ATP6AP1: variants seen among roughly 807,000 people sequenced by gnomAD.
ATP6AP1 encodes the protein ATPase H+ transporting accessory protein 1.
A neutral mutation model predicts 32.0 loss-of-function variants in ATP6AP1; 1 was observed. That is an observed-to-expected ratio of 0.03 (90% CI 0.01 to 0.15). The LOEUF (loss-of-function observed/expected upper bound fraction) is 0.15. ATP6AP1 is among the 10% of genes least tolerant of loss of function. The pLI, the probability that ATP6AP1 is intolerant of heterozygous loss-of-function variation, is 1.00. For missense variants in ATP6AP1, 297 were observed against 398.8 expected (o/e 0.74, Z 2.17); for synonymous variants, 187 against 174.9 (o/e 1.07, Z -0.55).
chrX:154,432,686 T>C (rs1260532523), intron 4 of ATP6AP1, among the ~76,000 whole-genome samples: 1 of 112,199 alleles, frequency 8.9e-6, no homozygotes, highest in African/African-American at 3.2e-5. Context: ...GAGGCAGATG[T>C]GAGCCCTGCG....
chrX:154,431,717 C>T (rs2068694404), intron 2 of ATP6AP1, 113 bp from the exon 3 acceptor site: 1 of 697,222 alleles, frequency 1.4e-6, no homozygotes, highest in Non-Finnish European at 2.3e-6. Flanking sequence ...CTGAACCTGA[C>T]TCTCAGTGAG....
Position 154,434,351 on chromosome X carries a change from G to A in ATP6AP1, c.828G>A (p.Val276=). ...RILFWAQNFS[V]AYKDQWEDLT... ...TGTTCTGGGCCCAAAACTTCTCTGT[G>A]GCGTACAAGGACCAGTGGGAGGACC... The change falls in exon 7 of 10, where the codon GTG becomes GTA. Residue 276 remains valine, a synonymous_variant. Transcript: ENST00000369762. 8.3e-7 allele frequency: 1 copy of A among 1,211,963 alleles called. No individual in the cohort carries two copies. The highest frequency in any genetic ancestry group is 1.1e-6 in the Non-Finnish European group (1 of 895,537).
Position 154,428,706 on chromosome X carries a change from T to C in ATP6AP1, c.14T>C (p.Met5Thr), listed in dbSNP as rs1557196211. The C allele has an allele frequency of 5.2e-6, 6 of 1,149,320 alleles. No individual in the cohort carries two copies. Among genetic ancestry groups the C allele is most frequent in the African/African-American group, 3.7e-5 (2 of 54,040 alleles). 94.7% of individuals were successfully genotyped at this position (1,149,320 alleles called of 1,213,427 possible). MMAA[M>T]ATARVRMGPR... ...GAGGCTGAGGCTATGATGGCGGCCATGGCGACGGCTCGAGTGCGGATGGGG... is the reference window on the plus strand; with the variant it reads ...GAGGCTGAGGCTATGATGGCGGCCACGGCGACGGCTCGAGTGCGGATGGGG... Residue 5 changes from methionine to threonine, a missense_variant, in exon 1 of 10, where the codon ATG becomes ACG. Met to Thr is a moderately conservative substitution (Grantham distance 81). Coordinates refer to ENST00000369762, the MANE Select transcript of ATP6AP1 (RefSeq NM_001183.6).
chrX:154,431,432 G>A (rs1389221324), intron 2 of ATP6AP1: 4 of 172,852 alleles, frequency 2.3e-5, no homozygotes, highest in South Asian at 1.2e-4. Flanking sequence ...GGACATAGCC[G>A]ACTCTCCTTT....
At position 154,435,332 on chromosome X, in the gene ATP6AP1, C is replaced by T. The variant is rs782690014; in HGVS notation, c.1030C>T (p.Arg344Cys). The T allele has an allele frequency of 1.8e-5, 22 of 1,211,857 alleles. No homozygotes were observed. Among genetic ancestry groups the T allele is most frequent in the Admixed American group, 1.1e-4 (5 of 46,068 alleles). ...TGCCCGGCACTGGTTTACCATGGAG[C>T]GCCTCGAAGTCCACAGCAATGGCTC... is the stretch of plus-strand genomic sequence containing the variant. ...VSARHWFTME[R>C]LEVHSNGSVA... The change falls in exon 9 of 10, where the codon CGC becomes TGC. Residue 344 changes from arginine (R) to cysteine (C), a missense_variant. Arg to Cys is a radical substitution (Grantham distance 180, BLOSUM62 -3). Around this residue, in one of 2 missense-constraint regions of ATP6AP1, gnomAD observed 155 missense variants for 253.8 expected, o/e 0.61. Transcript: ENST00000369762.
intron 5 of ATP6AP1, 131 bp from the exon 6 acceptor site, chrX:154,433,504 A>G: frequency 3.0e-6 from 2 of 663,657 alleles, no homozygotes; most frequent in Non-Finnish European, 4.8e-6. Context: ...GCTGCTCCTA[A>G]GGATCCTCAG....
chrX:154,433,434 G>A (rs1295280917), intron 5 of ATP6AP1, among the ~76,000 whole-genome samples: 2 of 111,696 alleles, frequency 1.8e-5, no homozygotes, highest in Non-Finnish European at 3.8e-5. Flanking sequence ...TTAGGGAATC[G>A]ATGACTGAAG....
rs1557197076 is a variant in ATP6AP1, at chrX:154,432,925, C to T, written c.558-6C>T. On this transcript the variant is annotated splice_polypyrimidine_tract_variant and splice_region_variant and intron_variant, in intron 4 of 9. Coordinates refer to ENST00000369762, the MANE Select transcript of ATP6AP1 (RefSeq NM_001183.6). ...AGGACTCTGGCGCTCTGTTTGTCTT[C>T]CATAGCTCTGGTCTGATGGCACCCA... The T allele has an allele frequency of 2.5e-6, 3 of 1,211,710 alleles. No homozygotes were observed. Among genetic ancestry groups the T allele is most frequent in the Non-Finnish European group, 3.4e-6 (3 of 895,401 alleles).
chrX:154,433,030 G>C (rs1341554646), intron 5 of ATP6AP1, 59 bp downstream of exon 5: 7 of 1,173,376 alleles, frequency 6.0e-6, no homozygotes, highest in Non-Finnish European at 8.1e-6. Context: ...GGGCCACAGA[G>C]AGAGCTGGCC....
intron 7 of ATP6AP1, 129 bp downstream of exon 7, chrX:154,434,575 G>A (rs1179566531): frequency 4.6e-6 from 3 of 650,206 alleles, no homozygotes; most frequent in East Asian, 6.8e-5. Context: ...GTCTGGTTGG[G>A]GTCTGGGCAG....
chrX:154,431,746 A>G, intron 2 of ATP6AP1, 84 bp from the exon 3 acceptor site: 1 of 947,359 alleles, frequency 1.1e-6, no homozygotes, highest in Non-Finnish European at 1.5e-6. Flanking sequence ...GGCCCTGAGA[A>G]TGCACGGGGA....
chrX:154,429,093 C>A lies in ATP6AP1; in HGVS notation c.207C>A (p.Thr69=), dbSNP rs782021501. ...PAADTHEGHI[T]SDLQLSTYLD... is the part of the protein sequence containing the mutation. ...CCGACACTCATGAAGGCCACATCACCAGCGACTTGCAGCTCTCTACCTACT... is the reference window on the plus strand; with the variant it reads ...CCGACACTCATGAAGGCCACATCACAAGCGACTTGCAGCTCTCTACCTACT... Residue 69 remains threonine (T), a synonymous_variant, in exon 2 of 10, where the codon ACC becomes ACA. Coordinates refer to ENST00000369762, the MANE Select transcript of ATP6AP1 (RefSeq NM_001183.6). 8.3e-6 allele frequency: 10 copies of A among 1,211,753 alleles called. No individual in the cohort carries two copies. Among genetic ancestry groups the A allele is most frequent in the Non-Finnish European group, 1.1e-5 (10 of 895,424 alleles).
intron 5 of ATP6AP1, 62 bp downstream of exon 5, chrX:154,433,033 A>C: frequency 8.6e-7 from 1 of 1,165,079 alleles, no homozygotes; most frequent in Non-Finnish European, 1.2e-6. Flanking sequence ...CCACAGAGAG[A>C]GCTGGCCTGC....
intron 2 of ATP6AP1, chrX:154,430,849 C>T (rs1048615259): frequency 1.8e-5 from 2 of 110,920 alleles, no homozygotes; most frequent in Non-Finnish European, 3.8e-5. Context: ...TGCTCTTGGC[C>T]AGCTCAAGGA....
rs2068697107 is a variant in ATP6AP1 at position 154,432,203 on chromosome X, G to A, written c.364-63G>A. 5.7e-6 allele frequency: 6 copies of A among 1,052,407 alleles called. No homozygotes were observed. The East Asian group carries it at 1.2e-4, about 22-fold the overall frequency. The allele number at this position is 1,052,407 out of a possible 1,213,427, so 86.7% of individuals were successfully genotyped here. A position where few individuals can be genotyped will look rare whatever the true frequency, so the allele number is the denominator to read the frequency against. ...AGAGGAGAGCTGCCAGAGAGGTGTG[G>A]GGGGCTGGGCCAGGCCCACTGGCCC... On this transcript the variant is annotated intron_variant, in intron 3 of 9. Transcript: ENST00000369762.
chrX:154,433,695 C>T lies in ATP6AP1; in HGVS notation c.659C>T (p.Ala220Val). ...LKSEDVPYTA[A>V]LTAVRPSRVA... ...TCCGAAGATGTCCCATACACAGCGG[C>T]CCTCACAGCGGTCCGCCCTTCCAGG... is the stretch of plus-strand genomic sequence containing the variant. The change falls in exon 6 of 10, where the codon GCC (alanine) becomes GTC (valine). Residue 220 changes from alanine (A) to valine (V), a missense_variant. Physicochemically the swap from Ala to Val is moderately conservative, Grantham distance 64. Transcript: ENST00000369762. 5.8e-6 allele frequency: 7 copies of T among 1,211,631 alleles called. No homozygotes were observed. Among genetic ancestry groups the T allele is most frequent in the Non-Finnish European group, 7.8e-6 (7 of 895,272 alleles).
rs200279182 is a variant in ATP6AP1, at chrX:154,429,202, C to G, written c.288+28C>G. 8.6e-4 allele frequency: 1,038 copies of G among 1,205,516 alleles called. 2 individuals are homozygous for G. Among genetic ancestry groups the G allele is most frequent in the Non-Finnish European group, 4.0e-4 (355 of 892,469 alleles). On this transcript the variant is annotated intron_variant, in intron 2 of 9. Transcript: ENST00000369762. ...GCGCCCGCCCCAGCCCACTCTCCCC[C>G]GGTCATCGGGAGGCAGCCAGGCCCC...
chrX:154,432,793 G>A (rs1392494704), intron 4 of ATP6AP1, 138 bp from the exon 5 acceptor site: 38 of 758,731 alleles, frequency 5.0e-5, no homozygotes, highest in Admixed American at 1.9e-4. Context: ...TGGGCTTCCA[G>A]GAGGGGGCAC....
In ATP6AP1 at chrX:154,428,794, G is replaced by T. The variant is rs1191344600; in HGVS notation, c.102G>T (p.Ala34=). ...PWLPVFLSLA[A]AAAAAAAEQQ... is the part of the protein sequence containing the mutation. ...TGCCGGTGTTTTTGTCGTTGGCGGC[G>T]GCGGCGGCGGCGGCAGCGGCGGAGC... The change falls in exon 1 of 10, where the codon GCG becomes GCT. Residue 34 remains alanine (A), a synonymous_variant. Transcript: ENST00000369762. The T allele has an allele frequency of 8.9e-7, 1 of 1,121,408 alleles. No individual in the cohort carries two copies. Among genetic ancestry groups the T allele is most frequent in the Admixed American group, 3.0e-5 (1 of 33,261 alleles). The allele number at this position is 1,121,408 out of a possible 1,213,427, so 92.4% of individuals were successfully genotyped here.
Sources: gnomAD v4.1 joint callset for allele counts (sites outside exome capture counted in the v4.1 genomes callset) on GRCh38, gnomAD v4.1.1 for gene constraint, gnomAD v4.1.1 regional missense constraint, MANE v1.5 for transcripts, NCBI Gene and HGNC (gene_info 2026-07-23, HGNC 2026-07-21) for gene names.